The following POLR1A variants were observed in gnomAD, a reference collection of about 807,000 sequenced individuals.
POLR1A encodes the protein RNA polymerase I subunit A.
A neutral mutation model predicts 205.3 loss-of-function variants in POLR1A; 84 were observed. The ratio of observed to expected loss-of-function variants is 0.41; its 90% CI spans 0.34 to 0.49. The LOEUF (loss-of-function observed/expected upper bound fraction) is 0.49, where lower values mean the gene tolerates loss of function less well. POLR1A is among the 20% of genes least tolerant of loss of function. The probability of loss-of-function intolerance (pLI) is 0.22; values close to 1 mark genes in which losing one functional copy is unlikely to be tolerated. For synonymous variants in POLR1A, 799 were observed against 863.7 expected (o/e 0.93, Z 1.31); for missense variants, 1,645 against 2,204.5 (o/e 0.75, Z 5.08).
At chr2:86,064,085 T>A (rs1227826264) in intron 14 of POLR1A, among the ~76,000 whole-genome samples, 1 of 152,204 alleles carries the variant, frequency 6.6e-6, no homozygotes, top group Non-Finnish European at 1.5e-5. Flanking sequence ...CTGTACCAAA[T>A]AAAATTAGGA....
chr2:86,093,634 C>G (rs944129647), intron 3 of POLR1A, among the ~76,000 whole-genome samples: 43 of 152,228 alleles, frequency 2.8e-4, no homozygotes, highest in African/African-American at 9.1e-4. Flanking sequence ...TCAAGGCCAG[C>G]CCGGCCAAAA....
chr2:86,099,594 A>G (rs72847885), intron 2 of POLR1A, among the ~76,000 whole-genome samples: 43,176 of 151,860 alleles, frequency 0.28, 7,251 homozygotes, highest in East Asian at 0.5. Context: ...AGACACCTGA[A>G]GGGCTCAGGG....
intron 15 of POLR1A, 27 bp from the exon 16 acceptor site, chr2:86,053,027 G>A (rs755163729): frequency 1.6e-5 from 25 of 1,517,308 alleles, no homozygotes; most frequent in Admixed American, 6.0e-5. Flanking sequence ...CACCAATGCC[G>A]GGCTGCGGGT....
chr2:86,020,986 G>C lies in POLR1A; in HGVS notation c.*6437C>G, dbSNP rs147608719. The C allele has an allele frequency of 8.8e-4, 134 of 152,362 alleles. No individual in the cohort carries two copies. The highest frequency in any genetic ancestry group is 3.0e-3 in the African/African-American group (123 of 41,572). The allele number at this position is 152,362 out of a possible 1,614,324, so 9.4% of individuals were successfully genotyped here. A position where few individuals can be genotyped will look rare whatever the true frequency, so the allele number is the denominator to read the frequency against. On this transcript the variant is annotated 3_prime_UTR_variant, in exon 34 of 34. Transcript: ENST00000263857. ...TTCTTAGGGTCCCACTGTAAGTTGA[G>C]GGCTTGAGATTCCAAGAAAAGTCTT...
chr2:86,028,671 G>T lies in POLR1A; in HGVS notation c.4820C>A (p.Ala1607Asp). 1 of 1,614,174 alleles carries T rather than the reference G, an allele frequency of 6.2e-7. No individual in the cohort carries two copies. The highest frequency in any genetic ancestry group is 8.5e-7 in the Non-Finnish European group (1 of 1,179,996). ...LRRLYSNDIH[A>D]IANTYGIEAA... ...CTCAATGCCATACGTGTTGGCTATG[G>T]CGTGGATGTCGTTGGAGTAGAGGCG... is the stretch of plus-strand genomic sequence containing the variant. Residue 1607 changes from alanine (A) to aspartate (D), a missense_variant, in exon 32 of 34, where the codon GCC becomes GAC. Around this residue, in one of 16 missense-constraint regions of POLR1A, gnomAD observed 394 missense variants for 468.5 expected, o/e 0.84. Transcript: ENST00000263857. This position sits in a 1 kb window ranked among gnomAD's most constrained non-coding sequence, Gnocchi z 4.5.
intron 3 of POLR1A, among the ~76,000 whole-genome samples, chr2:86,093,251 G>A (rs554183323): frequency 6.2e-4 from 95 of 152,262 alleles, no homozygotes; most frequent in African/African-American, 2.2e-3. Flanking sequence ...TGTCGAAAGG[G>A]TTCCCTATTT....
rs3770088 is a variant in POLR1A, at chr2:86,036,818, C to A, written c.4034+1882G>T. On this transcript the variant is annotated intron_variant, in intron 27 of 33. Transcript: ENST00000263857. ...GATTTTCAAGTTCACAAGCAAAACACAGGGAGGAGTTGAAAAAGTACTTCA... is the reference window on the plus strand; with the variant it reads ...GATTTTCAAGTTCACAAGCAAAACAAAGGGAGGAGTTGAAAAAGTACTTCA... Among the ~76,000 whole-genome samples the A allele has an allele frequency of 3.9e-3, 597 of 152,324 alleles. 18 individuals are homozygous for A. The East Asian group carries it at 0.089, about 23-fold the overall frequency.
chr2:86,070,168 C>G lies in POLR1A; in HGVS notation c.1716G>C (p.Glu572Asp), dbSNP rs1396917477. 21 of 1,614,226 alleles carry G rather than the reference C, an allele frequency of 1.3e-5. No homozygotes were observed. The highest frequency in any genetic ancestry group is 1.7e-5 in the Non-Finnish European group (20 of 1,180,030). ...QAHRARILPE[E>D]KVLRLHYANC... ...TGGCATAGTGGAGCCGCAGCACTTTCTCTTCAGGCAGGATGCGGGCACGGT... is the reference window on the plus strand; with the variant it reads ...TGGCATAGTGGAGCCGCAGCACTTTGTCTTCAGGCAGGATGCGGGCACGGT... The change falls in exon 13 of 34, where the codon GAG becomes GAC. Residue 572 changes from glutamate to aspartate, a missense_variant. Physicochemically the swap from Glu to Asp is conservative, Grantham distance 45 (BLOSUM62 2). This residue lies in a region of POLR1A where 17 missense variants were observed against 29.4 expected (regional missense o/e 0.58). Coordinates refer to ENST00000263857, the MANE Select transcript of POLR1A (RefSeq NM_015425.6). The surrounding 1 kb of genome is among the most constrained non-coding windows in gnomAD (Gnocchi z 4.4).
intron 7 of POLR1A, 82 bp downstream of exon 7, chr2:86,082,997 AAAG>A: frequency 9.7e-7 from 1 of 1,025,718 alleles, no homozygotes; most frequent in Non-Finnish European, 1.5e-6. Context: ...CTACAACTTA[AAAG>A]AAGTAATAAG....
At chr2:86,080,772 CTAAGCA>C in intron 9 of POLR1A, 38 bp downstream of exon 9, 1 of 1,550,810 alleles carries the variant, frequency 6.4e-7, no homozygotes. Flanking sequence ...AGAGTTAGCA[CTAAGCA>C]TGTGTGCTCA....
intron 3 of POLR1A, among the ~76,000 whole-genome samples, chr2:86,093,988 G>T (rs918629015): frequency 1.3e-5 from 2 of 152,112 alleles, no homozygotes; most frequent in African/African-American, 4.8e-5. Context: ...CCTCGATTGC[G>T]GGCATGTCTG....
chr2:86,067,288 T>A (rs311566), intron 13 of POLR1A, among the ~76,000 whole-genome samples: 129,179 of 152,190 alleles, frequency 0.85, 55,283 homozygotes, highest in Non-Finnish European at 0.9. Flanking sequence ...AAAATGACAT[T>A]ACAATTAATG....
chr2:86,053,307 T>C (rs1002722779), intron 15 of POLR1A, among the ~76,000 whole-genome samples: 31 of 151,768 alleles, frequency 2.0e-4, no homozygotes, highest in Non-Finnish European at 5.9e-5. Context: ...TTATATCCCC[T>C]ACTCCCCACA....
In POLR1A at chr2:86,080,863, G is replaced by A; in HGVS notation, c.1039C>T (p.Gln347Ter). 1 of 1,614,008 alleles carries A rather than the reference G, an allele frequency of 6.2e-7. No homozygotes were observed. Among genetic ancestry groups the A allele is most frequent in the Non-Finnish European group, 8.5e-7 (1 of 1,179,968 alleles). Residue 347 changes from glutamine to a stop codon, truncating the protein, a stop_gained, in exon 9 of 34, where the codon CAA (glutamine) becomes TAA (stop). Transcript: ENST00000263857. LOFTEE classifies it high-confidence loss of function. ...LIRKLLALMA[Q>*]EQKLPEEVAT... ...ACTTCCTCTGGCAACTTCTGTTCTT[G>A]GGCCATCAATGCCAGAAGTTTTCGA...
chr2:86,028,479 C>G lies in POLR1A; in HGVS notation c.4897+115G>C. ...ACTGCACGCATGCTGCAGTGCCTGC[C>G]TTAGTGCTGGACTGACTCGGTGCTG... On this transcript the variant is annotated intron_variant, in intron 32 of 33. Coordinates refer to ENST00000263857, the MANE Select transcript of POLR1A (RefSeq NM_015425.6). The surrounding 1 kb of genome is among the most constrained non-coding windows in gnomAD (Gnocchi z 4.5). 1 of 755,554 alleles carries G rather than the reference C, an allele frequency of 1.3e-6. No homozygotes were observed. Among genetic ancestry groups the G allele is most frequent in the Non-Finnish European group, 2.4e-6 (1 of 413,362 alleles). 46.8% of individuals were successfully genotyped at this position (755,554 alleles called of 1,614,324 possible). A position where few individuals can be genotyped will look rare whatever the true frequency, so the allele number is the denominator to read the frequency against.
chr2:86,059,519 C>T (rs1672959053), intron 14 of POLR1A, among the ~76,000 whole-genome samples: 1 of 152,176 alleles, frequency 6.6e-6, no homozygotes, highest in African/African-American at 2.4e-5. Context: ...AATTGTGGTT[C>T]ATGGTTCTCC....
At position 86,076,702 on chromosome 2, in the gene POLR1A, T is replaced by C. The variant is rs1005876012; in HGVS notation, c.1380+1157A>G. On this transcript the variant is annotated intron_variant, in intron 11 of 33. Coordinates refer to ENST00000263857, the MANE Select transcript of POLR1A (RefSeq NM_015425.6). The stretch of plus-strand genomic sequence containing the variant: ...CAAGCCACTACCAAACAAACCCAGA[T>C]CTAAGAAAGAGAACCCAGCACCTAG... Among the ~76,000 whole-genome samples the C allele has an allele frequency of 2.0e-5, 3 of 152,010 alleles. No homozygotes were observed. In the South Asian group the frequency reaches 6.2e-4, roughly 32 times the overall value.
At chr2:86,046,331 T>C (rs1672709506) in intron 19 of POLR1A, among the ~76,000 whole-genome samples, 1 of 152,142 alleles carries the variant, frequency 6.6e-6, no homozygotes, top group African/African-American at 2.4e-5. Flanking sequence ...ACTCAAGCTA[T>C]TGAGCTATTT....
intron 12 of POLR1A, 39 bp downstream of exon 12, chr2:86,074,991 G>A (rs754822112): frequency 1.4e-6 from 2 of 1,409,526 alleles, no homozygotes; most frequent in South Asian, 2.5e-5. Flanking sequence ...ATCCGAACAG[G>A]AGCCGGATGG....
Sources: allele counts gnomAD v4.1 joint callset (sites outside exome capture counted in the v4.1 genomes callset), GRCh38; gene constraint gnomAD v4.1.1; regional missense constraint gnomAD v4.1.1; non-coding constraint Gnocchi (gnomAD v3.1); transcripts MANE v1.5; gene names NCBI Gene and HGNC (gene_info 2026-07-23, HGNC 2026-07-21).